The following GRAMD4 variants were observed in gnomAD, a reference collection of about 807,000 sequenced individuals.
GRAMD4 encodes GRAM domain containing 4.
GRAMD4 carries 25 observed loss-of-function variants against 83.9 expected under a neutral mutation model. The observed-to-expected ratio is 0.30, with a 90% CI of 0.22 to 0.42. The LOEUF (loss-of-function observed/expected upper bound fraction) is 0.42, where lower values mean the gene tolerates loss of function less well. Among genes scored for constraint, GRAMD4 ranks in the 10% least tolerant of loss-of-function variants. The pLI is 1.00. For synonymous variants in GRAMD4, 336 were observed against 320.9 expected (o/e 1.05, Z -0.50); for missense variants, 593 against 788.7 (o/e 0.75, Z 2.97).
intron 1 of GRAMD4, among the ~76,000 whole-genome samples, chr22:46,612,971 G>A (rs1012430457): frequency 1.3e-5 from 2 of 152,336 alleles, no homozygotes; most frequent in South Asian, 2.1e-4. Context: ...GTGGACTTTG[G>A]GCTTGGGTCC....
At chr22:46,625,940 C>G (rs570780339) in intron 1 of GRAMD4, among the ~76,000 whole-genome samples, 1 of 152,348 alleles carries the variant, frequency 6.6e-6, no homozygotes, top group African/African-American at 2.4e-5. Flanking sequence ...GACCAGGTTT[C>G]TGTGTTGATT....
chr22:46,675,335 CTG>C, intron 16 of GRAMD4, 131 bp from the exon 17 acceptor site: 1 of 714,838 alleles, frequency 1.4e-6, no homozygotes, highest in Non-Finnish European at 2.6e-6. Context: ...TTCACCGGTT[CTG>C]TGTCTGCTGG....
At chr22:46,664,815 G>C (rs999901647) in intron 8 of GRAMD4, among the ~76,000 whole-genome samples, 1 of 152,244 alleles carries the variant, frequency 6.6e-6, no homozygotes, top group South Asian at 2.1e-4. Flanking sequence ...GCTCCCAAAG[G>C]CAGCACTGCC....
At chr22:46,679,840 G>A, downstream of GRAMD4, 1 of 971,094 alleles carries the variant, frequency 1.0e-6, no homozygotes, top group Non-Finnish European at 1.2e-6. Context: ...GGCGGCCTGA[G>A]CCAGCTGGGC....
intron 1 of GRAMD4, among the ~76,000 whole-genome samples, chr22:46,577,569 G>C (rs1346685237): frequency 6.6e-6 from 1 of 151,852 alleles, no homozygotes; most frequent in Non-Finnish European, 1.5e-5. Flanking sequence ...GGACATCCCG[G>C]GGTTGCGGGG....
Position 46,676,608 on chromosome 22 carries a change from C to A in GRAMD4, c.1572C>A (p.Val524=). ...VDITDIQKYK[V]LSVLPGSGMG... Reference sequence around the variant, plus strand: ...CACGCTTTGCCTTTCAGTACAAGGTCCTGTCTGTCCTCCCAGGCTCAGGCA... The same window carrying A: ...CACGCTTTGCCTTTCAGTACAAGGTACTGTCTGTCCTCCCAGGCTCAGGCA... The change falls in exon 18 of 19, where the codon GTC becomes GTA. Residue 524 remains valine (V), a synonymous_variant. Transcript: ENST00000406902. 1 of 1,549,356 alleles carries A rather than the reference C, an allele frequency of 6.5e-7. No homozygotes were observed. The highest frequency in any genetic ancestry group is 8.7e-7 in the Non-Finnish European group (1 of 1,146,922).
intron 1 of GRAMD4, among the ~76,000 whole-genome samples, chr22:46,595,979 G>A (rs570423536): frequency 6.6e-6 from 1 of 152,384 alleles, no homozygotes; most frequent in Admixed American, 6.5e-5. Flanking sequence ...TGCTATCCTG[G>A]TGGGACAAGC....
intron 1 of GRAMD4, among the ~76,000 whole-genome samples, chr22:46,591,877 C>T (rs1471305963): frequency 1.3e-5 from 2 of 148,232 alleles, no homozygotes; most frequent in Non-Finnish European, 3.0e-5. Flanking sequence ...CCCCCGCACC[C>T]CTCAGCCCCC....
chr22:46,664,922 G>A (rs1489968626), intron 8 of GRAMD4, among the ~76,000 whole-genome samples: 1 of 152,242 alleles, frequency 6.6e-6, no homozygotes, highest in Non-Finnish European at 1.5e-5. Context: ...TGTGCCTGCT[G>A]CGGGCACTTA....
At chr22:46,628,407 C>T (rs960892715) in intron 2 of GRAMD4, among the ~76,000 whole-genome samples, 19 of 150,796 alleles carry the variant, frequency 1.3e-4, no homozygotes, top group African/African-American at 3.9e-4. Flanking sequence ...TGGTCAGAGA[C>T]GGACTGAGTG....
chr22:46,655,445 A>T (rs957268786), intron 3 of GRAMD4, among the ~76,000 whole-genome samples: 2 of 152,156 alleles, frequency 1.3e-5, no homozygotes, highest in Non-Finnish European at 2.9e-5. Context: ...GAGGCCGGTT[A>T]AGAACATGGG....
At chr22:46,602,782 G>T (rs1208543985) in intron 1 of GRAMD4, among the ~76,000 whole-genome samples, 2 of 27,498 alleles carry the variant, frequency 7.3e-5, no homozygotes, top group Non-Finnish European at 2.3e-4. Flanking sequence ...TTTTTTTGAG[G>T]CAGAGTCTCT....
At chr22:46,676,541 G>A (rs2082600923) in intron 17 of GRAMD4, 59 bp from the exon 18 acceptor site, 41 of 1,471,966 alleles carry the variant, frequency 2.8e-5, no homozygotes, top group Non-Finnish European at 3.3e-5. Context: ...GCCTGTGGAG[G>A]GCTGTGCCTC....
intron 1 of GRAMD4, among the ~76,000 whole-genome samples, chr22:46,580,420 CT>C (rs1189683348): frequency 1.3e-5 from 2 of 152,244 alleles, no homozygotes; most frequent in Non-Finnish European, 2.9e-5. Context: ...CTGAAAAATA[CT>C]GCTTGTAAAG....
rs764173141 is a variant in GRAMD4 at position 46,676,585 on chromosome 22, C to T, written c.1564-15C>T. 7.0e-5 allele frequency: 109 copies of T among 1,548,814 alleles called. 2 individuals are homozygous for T. In the South Asian group the frequency reaches 1.0e-3, roughly 15 times the overall value. Reference sequence around the variant, plus strand: ...CAGGAGAGACCTGTGGTGACGGCCACGCTTTGCCTTTCAGTACAAGGTCCT... The same window carrying T: ...CAGGAGAGACCTGTGGTGACGGCCATGCTTTGCCTTTCAGTACAAGGTCCT... On this transcript the variant is annotated splice_polypyrimidine_tract_variant and intron_variant, in intron 17 of 18. Transcript: ENST00000406902.
chr22:46,614,825 T>TG (rs1345469822), intron 1 of GRAMD4, among the ~76,000 whole-genome samples: 30 of 48,718 alleles, frequency 6.2e-4, no homozygotes, highest in African/African-American at 3.7e-4. Context: ...CCCCTGTGCT[T>TG]TATAGGTTCT....
chr22:46,675,635 T>G, intron 17 of GRAMD4, 83 bp downstream of exon 17: 2 of 867,760 alleles, frequency 2.3e-6, no homozygotes, highest in African/African-American at 1.7e-5. Context: ...CCTATAGACT[T>G]CTGCCAGCCT....
chr22:46,673,803 G>T lies in GRAMD4; in HGVS notation c.1373G>T (p.Arg458Leu). The change falls in exon 15 of 19, where the codon CGT (arginine) becomes CTT (leucine). Residue 458 changes from arginine (R) to leucine (L), a missense_variant. Physicochemically the swap from Arg to Leu is moderately radical, Grantham distance 102. Transcript: ENST00000406902. ...HEIFNLTENE[R>L]PLAVCENGWR... ...ATCTTCAATCTGACAGAAAACGAGC[G>T]TCCGCTGGCGGGTATGTGTGCCGTG... 1 of 1,612,996 alleles carries T rather than the reference G, an allele frequency of 6.2e-7. No individual in the cohort carries two copies. Among genetic ancestry groups the T allele is most frequent in the Non-Finnish European group, 8.5e-7 (1 of 1,179,954 alleles).
chr22:46,657,769 A>C (rs2082265863), intron 3 of GRAMD4, among the ~76,000 whole-genome samples: 1 of 151,974 alleles, frequency 6.6e-6, no homozygotes, highest in South Asian at 2.1e-4. Context: ...GCGTCCCAGA[A>C]CCTCACCCAG....
Sources: gnomAD v4.1 joint callset for allele counts (sites outside exome capture counted in the v4.1 genomes callset) on GRCh38, gnomAD v4.1.1 for gene constraint, MANE v1.5 for transcripts, NCBI Gene and HGNC (gene_info 2026-07-23, HGNC 2026-07-21) for gene names.